The following CNTN6 variants were observed in gnomAD, a reference collection of about 807,000 sequenced individuals.
CNTN6 encodes contactin-6.
Under a neutral mutation model 122.8 loss-of-function variants are expected in CNTN6, and 137 were observed. The observed-to-expected ratio is 1.12, with a 90% CI of 0.97 to 1.29. CNTN6 has a LOEUF of 1.29. CNTN6 is among the 50% of genes most tolerant of loss of function. CNTN6 has a pLI of 0.00. For missense variants in CNTN6, 1,634 were observed against 1,223.4 expected, an observed-to-expected ratio of 1.34 and a Z score of -5.01; for synonymous variants, 570 against 426.0, an observed-to-expected ratio of 1.34 and a Z score of -4.16.
chr3:1,219,248 T>G (rs6777489), intron 2 of CNTN6, among the ~76,000 whole-genome samples: 20,470 of 152,162 alleles, frequency 0.13, 1,752 homozygotes, highest in African/African-American at 0.25. Flanking sequence ...AGTCAAATGA[T>G]TATTTAACTT....
chr3:1,223,993 T>C (rs9835758), intron 3 of CNTN6, among the ~76,000 whole-genome samples: 23,490 of 152,190 alleles, frequency 0.15, 2,309 homozygotes, highest in African/African-American at 0.28. Flanking sequence ...TTCAAGTATA[T>C]GCAGCAAAGG....
intron 2 of CNTN6, among the ~76,000 whole-genome samples, chr3:1,174,432 A>G (rs1054788841): frequency 6.6e-6 from 1 of 152,150 alleles, no homozygotes; most frequent in Non-Finnish European, 1.5e-5. Context: ...TCAAACGGAA[A>G]TTTTTTAGCA....
chr3:1,393,555 T>TAAA (rs572632140), intron 20 of CNTN6, among the ~76,000 whole-genome samples: 2 of 107,904 alleles, frequency 1.9e-5, no homozygotes, highest in African/African-American at 3.3e-5. Context: ...CTTAAAGAAG[T>TAAA]AAAAAAAAAA....
intron 11 of CNTN6, among the ~76,000 whole-genome samples, chr3:1,332,751 A>G (rs1008039398): frequency 3.9e-5 from 6 of 152,208 alleles, no homozygotes; most frequent in East Asian, 1.9e-4. Context: ...TTCCTAAAAA[A>G]GGAGAGAAAG....
chr3:1,263,036 A>G (rs1271106695), intron 4 of CNTN6, among the ~76,000 whole-genome samples: 1 of 152,168 alleles, frequency 6.6e-6, no homozygotes. Flanking sequence ...TGTAGTTTTT[A>G]AACAAGTTAC....
chr3:1,221,226 A>G (rs1320214147), intron 3 of CNTN6, among the ~76,000 whole-genome samples: 1 of 152,188 alleles, frequency 6.6e-6, no homozygotes, highest in East Asian at 1.9e-4. Context: ...GCCAGGAAGA[A>G]AAGAAAGATA....
chr3:1,215,218 T>C (rs60320816), intron 2 of CNTN6, among the ~76,000 whole-genome samples: 16,539 of 152,308 alleles, frequency 0.11, 1,290 homozygotes, highest in African/African-American at 0.21. Context: ...TATAGTAACT[T>C]TTCTTAATGG....
At chr3:1,145,105 G>A (rs189016971) in intron 1 of CNTN6, among the ~76,000 whole-genome samples, 17 of 152,228 alleles carry the variant, frequency 1.1e-4, no homozygotes, top group Middle Eastern at 3.4e-3. Context: ...TTGAGTCTTA[G>A]CAAACTGTCC....
In CNTN6 at chr3:1,227,826, A is replaced by C; in HGVS notation, c.191A>C (p.Gln64Pro). ...TTTTTTTTTCCTTGAAGGTGGAAGC[A>C]AAATGGCACAGACATTGATTTTACT... Reference protein sequence around the residue: ...GYPSPHYRWKQNGTDIDFTMS... With the variant: ...GYPSPHYRWKPNGTDIDFTMS... The change falls in exon 4 of 23, where the codon CAA (glutamine) becomes CCA (proline). Residue 64 changes from glutamine to proline, a missense_variant. Physicochemically the swap from Gln to Pro is moderately conservative, Grantham distance 76 (BLOSUM62 -1). Transcript: ENST00000446702. The C allele has an allele frequency of 6.2e-7, 1 of 1,613,134 alleles. No homozygotes were observed. The highest frequency in any genetic ancestry group is 8.5e-7 in the Non-Finnish European group (1 of 1,179,730).
intron 2 of CNTN6, among the ~76,000 whole-genome samples, chr3:1,168,355 T>C (rs73105157): frequency 0.017 from 2,471 of 148,460 alleles, 61 homozygotes; most frequent in African/African-American, 0.057. Flanking sequence ...AAGGATGAGG[T>C]TTGTTATTGA....
chr3:1,185,755 ATTAT>A (rs1374061160), intron 2 of CNTN6, among the ~76,000 whole-genome samples: 1 of 152,164 alleles, frequency 6.6e-6, no homozygotes, highest in Non-Finnish European at 1.5e-5. Context: ...GCTTGAATAA[ATTAT>A]TTAATCCCTG....
At chr3:1,244,922 A>G (rs1179307647) in intron 4 of CNTN6, among the ~76,000 whole-genome samples, 2 of 150,400 alleles carry the variant, frequency 1.3e-5, no homozygotes, top group Non-Finnish European at 3.0e-5. Flanking sequence ...GGAGATTACA[A>G]AGTACATTGA....
At chr3:1,096,931 T>C (rs565604517) in intron 1 of CNTN6, among the ~76,000 whole-genome samples, 4 of 152,320 alleles carry the variant, frequency 2.6e-5, no homozygotes, top group Admixed American at 1.3e-4. Context: ...TATTTCTCTT[T>C]ATTGTTTCTG....
At chr3:1,208,633 AG>A (rs773446675) in intron 2 of CNTN6, among the ~76,000 whole-genome samples, 3 of 152,022 alleles carry the variant, frequency 2.0e-5, no homozygotes, top group African/African-American at 4.8e-5. Context: ...TTACGGTATG[AG>A]TTCTGGAGTC....
At chr3:1,146,783 A>G (rs552287422) in intron 1 of CNTN6, among the ~76,000 whole-genome samples, 1 of 152,256 alleles carries the variant, frequency 6.6e-6, no homozygotes, top group South Asian at 2.1e-4. Context: ...TAATTAATGA[A>G]TGAATAGATA....
intron 20 of CNTN6, among the ~76,000 whole-genome samples, chr3:1,396,168 C>A (rs1029963503): frequency 3.9e-5 from 6 of 152,174 alleles, no homozygotes; most frequent in African/African-American, 1.4e-4. Flanking sequence ...TGTCTCAAAG[C>A]TCCTTTCTAT....
intron 8 of CNTN6, among the ~76,000 whole-genome samples, chr3:1,322,734 A>G (rs1350514750): frequency 6.6e-6 from 1 of 151,492 alleles, no homozygotes; most frequent in East Asian, 1.9e-4. Context: ...TGGGGAGAAC[A>G]TATTGTGTGT....
intron 4 of CNTN6, among the ~76,000 whole-genome samples, chr3:1,271,071 T>A (rs928614119): frequency 1.7e-4 from 26 of 152,226 alleles, no homozygotes; most frequent in African/African-American, 6.0e-4. Context: ...AGAGACAGGG[T>A]TTCACCATGT....
In CNTN6 at chr3:1,385,774, T is replaced by G; in HGVS notation, c.2681T>G (p.Val894Gly). The change falls in exon 20 of 23, where the codon GTC becomes GGC. Residue 894 changes from valine (V) to glycine (G), a missense_variant. By Grantham distance (109) the Val-to-Gly change is moderately radical (BLOSUM62 -3). Coordinates refer to ENST00000446702, the MANE Select transcript of CNTN6 (RefSeq NM_001289080.2). ...TAGTGPSSPP[V>G]NVTTKKSPPS... Reference sequence around the variant, plus strand: ...GGGACAGGGCCCTCAAGCCCCCCAGTCAATGTTACCACCAAAAAGTCTCGT... The same window carrying G: ...GGGACAGGGCCCTCAAGCCCCCCAGGCAATGTTACCACCAAAAAGTCTCGT... 1 of 1,611,094 alleles carries G rather than the reference T, an allele frequency of 6.2e-7. No individual in the cohort carries two copies. Among genetic ancestry groups the G allele is most frequent in the Non-Finnish European group, 8.5e-7 (1 of 1,178,894 alleles).
Sources: allele counts gnomAD v4.1 joint callset (sites outside exome capture counted in the v4.1 genomes callset), GRCh38; gene constraint gnomAD v4.1.1; transcripts MANE v1.5; gene names NCBI Gene and HGNC (gene_info 2026-07-23, HGNC 2026-07-21).